NUDC: variants seen among roughly 807,000 people sequenced by gnomAD.
NUDC encodes the protein nuclear migration protein nudC.
In NUDC, 14 loss-of-function variants were observed where a neutral mutation model predicts 45.0. The ratio of observed to expected loss-of-function variants is 0.31; its 90% confidence interval spans 0.21 to 0.49. NUDC has a LOEUF of 0.49. NUDC is among the 20% of genes least tolerant of loss of function. The pLI, the probability that NUDC is intolerant of heterozygous loss-of-function variation, is 0.99. For missense variants in NUDC, 323 were observed against 426.2 expected (o/e 0.76, Z 2.13); for synonymous variants, 153 against 156.7 (o/e 0.98, Z 0.17).
chr1:26,945,186 T>A (rs920856219), intron 6 of NUDC: 1 of 620,796 alleles, frequency 1.6e-6, no homozygotes, highest in Non-Finnish European at 2.9e-6. Context: ...CTTTCCCTTA[T>A]CACACTGATT....
chr1:26,934,199 G>A (rs1005089604), intron 2 of NUDC, among the ~76,000 whole-genome samples: 9 of 152,288 alleles, frequency 5.9e-5, no homozygotes, highest in Non-Finnish European at 1.0e-4. Context: ...CTGCATGACC[G>A]GGGAGGCCTC....
intron 6 of NUDC, chr1:26,945,115 A>G: frequency 1.8e-6 from 1 of 557,272 alleles, no homozygotes; most frequent in Non-Finnish European, 3.2e-6. Flanking sequence ...ACTCAGCCCG[A>G]GTGTCACTTT....
intron 1 of NUDC, among the ~76,000 whole-genome samples, chr1:26,922,678 T>TGGCAA (rs1190109106): frequency 6.6e-6 from 1 of 152,192 alleles, no homozygotes; most frequent in East Asian, 1.9e-4. Flanking sequence ...GCCAGAGAAG[T>TGGCAA]GGCAAGGATT....
chr1:26,906,746 G>T (rs892316919), intron 2 of NUDC, among the ~76,000 whole-genome samples: 6 of 152,082 alleles, frequency 3.9e-5, no homozygotes, highest in African/African-American at 1.4e-4. Context: ...CTACTCGGGA[G>T]GCTGAGGCAG....
chr1:26,916,881 G>A (rs1239153814), upstream of NUDC, among the ~76,000 whole-genome samples: 2 of 152,212 alleles, frequency 1.3e-5, no homozygotes, highest in Non-Finnish European at 2.9e-5. Flanking sequence ...CTTGAATCCA[G>A]GAGGGCAAGG....
rs1297492508 is a variant in NUDC at position 26,942,984 on chromosome 1, G to A, written c.660G>A (p.Gly220=). 3.1e-6 allele frequency: 5 copies of A among 1,614,024 alleles called. No individual in the cohort carries two copies. The highest frequency in any genetic ancestry group is 1.3e-5 in the African/African-American group (1 of 74,900). Residue 220 remains glycine (G), a synonymous_variant, in exon 6 of 9, where the codon GGG becomes GGA. Coordinates refer to ENST00000321265, the MANE Select transcript of NUDC (RefSeq NM_006600.4). Reference sequence around the variant, plus strand: ...AGGGGCAGCCAGCGATCATTGATGGGGAGCTCTACAATGAAGTGAAGGTGG... The same window carrying A: ...AGGGGCAGCCAGCGATCATTGATGGAGAGCTCTACAATGAAGTGAAGGTGG... ...GLKGQPAIID[G]ELYNEVKVEE...
intron 6 of NUDC, among the ~76,000 whole-genome samples, chr1:26,943,947 G>A (rs559921083): frequency 1.6e-4 from 25 of 152,166 alleles, no homozygotes; most frequent in African/African-American, 4.3e-4. Flanking sequence ...GCGCGATCTC[G>A]GCTCACTGCG....
At chr1:26,900,683 G>A (rs905932756) in intron 1 of NUDC, among the ~76,000 whole-genome samples, 2 of 152,106 alleles carry the variant, frequency 1.3e-5, no homozygotes, top group Non-Finnish European at 2.9e-5. Flanking sequence ...GCTCTCATGA[G>A]GACCAAATAA....
intron 8 of NUDC, 39 bp downstream of exon 8, chr1:26,945,725 C>T (rs750547566): frequency 6.7e-7 from 1 of 1,486,332 alleles, no homozygotes; most frequent in South Asian, 1.1e-5. Context: ...ACCGTGGGTG[C>T]CTGGGGGCTT....
chr1:26,931,070 TTTG>T (rs1212651296), intron 2 of NUDC, among the ~76,000 whole-genome samples: 1 of 151,786 alleles, frequency 6.6e-6, no homozygotes, highest in Non-Finnish European at 1.5e-5. Context: ...TAACCTTTGT[TTTG>T]TTTTTTGTTT....
At chr1:26,904,562 A>T (rs1352213116) in intron 2 of NUDC, among the ~76,000 whole-genome samples, 2 of 152,202 alleles carry the variant, frequency 1.3e-5, no homozygotes, top group Non-Finnish European at 2.9e-5. Context: ...AGTAGCTGGG[A>T]TAACAGACTT....
intron 1 of NUDC, 154 bp downstream of exon 1, chr1:26,922,083 C>T: frequency 1.3e-6 from 1 of 769,444 alleles, no homozygotes; most frequent in Non-Finnish European, 2.1e-6. Flanking sequence ...CCTGGCCACC[C>T]GCCAGCAGGT....
intron 2 of NUDC, among the ~76,000 whole-genome samples, chr1:26,931,319 C>G (rs1251212082): frequency 6.8e-6 from 1 of 147,834 alleles, no homozygotes; most frequent in Non-Finnish European, 1.5e-5. Flanking sequence ...CTCAGGTGAT[C>G]TGCCTGCCTC....
intron 3 of NUDC, among the ~76,000 whole-genome samples, chr1:26,915,058 C>CATACATATATATATAT (rs758134417): frequency 2.4e-4 from 34 of 140,552 alleles, no homozygotes; most frequent in African/African-American, 4.5e-4. Flanking sequence ...TACATACATA[C>CATACATATATATATAT]ATATATATAT....
chr1:26,905,340 T>A (rs1468209339), intron 2 of NUDC, among the ~76,000 whole-genome samples: 1 of 151,292 alleles, frequency 6.6e-6, no homozygotes, highest in Admixed American at 6.6e-5. Flanking sequence ...TTTGTATTTT[T>A]AGTAGAGACG....
rs935090055 is a variant in NUDC, at chr1:26,946,837, G to C, written c.*656G>C. 1.3e-5 allele frequency: 2 copies of C among 155,696 alleles called. No homozygotes were observed. The highest frequency in any genetic ancestry group is 2.8e-5 in the Non-Finnish European group (2 of 70,270). The allele number at this position is 155,696 out of a possible 1,614,324, so 9.6% of individuals were successfully genotyped here. ...ACTTCACTCCAGCATGGGTGACAGA[G>C]ACTCCATCTCAAAAAAATAAATAAA... On this transcript the variant is annotated 3_prime_UTR_variant, in exon 9 of 9. Coordinates refer to ENST00000321265, the MANE Select transcript of NUDC (RefSeq NM_006600.4).
In NUDC at chr1:26,945,580, G is replaced by A; in HGVS notation, c.838G>A (p.Asp280Asn). ...NPENSKLSDLDSETRSMVEKM... is the reference protein window; with the variant it reads ...NPENSKLSDLNSETRSMVEKM... ...TGCCTGCCCTCAGCTGTCAGACCTGGACAGTGAGACTCGCAGCATGGTGGA... is the reference window on the plus strand; with the variant it reads ...TGCCTGCCCTCAGCTGTCAGACCTGAACAGTGAGACTCGCAGCATGGTGGA... Residue 280 changes from aspartate (D) to asparagine (N), a missense_variant, in exon 8 of 9, where the codon GAC becomes AAC. Coordinates refer to ENST00000321265, the MANE Select transcript of NUDC (RefSeq NM_006600.4). 1 of 1,614,158 alleles carries A rather than the reference G, an allele frequency of 6.2e-7. No individual in the cohort carries two copies. The highest frequency in any genetic ancestry group is 8.5e-7 in the Non-Finnish European group (1 of 1,179,980).
intron 8 of NUDC, among the ~76,000 whole-genome samples, 198 bp downstream of exon 8, chr1:26,945,884 G>T (rs534685985): frequency 3.9e-5 from 6 of 152,122 alleles, no homozygotes. Context: ...GGCTCATGGT[G>T]CATGATAGGA....
chr1:26,946,243 A>T lies in NUDC; in HGVS notation c.*62A>T, dbSNP rs1279428500. 6.9e-7 allele frequency: 1 copy of T among 1,444,808 alleles called. No homozygotes were observed. The highest frequency in any genetic ancestry group is 1.4e-5 in the African/African-American group (1 of 70,864). 89.5% of individuals were successfully genotyped at this position (1,444,808 alleles called of 1,614,324 possible). On this transcript the variant is annotated 3_prime_UTR_variant, in exon 9 of 9. Coordinates refer to ENST00000321265, the MANE Select transcript of NUDC (RefSeq NM_006600.4). The stretch of plus-strand genomic sequence containing the variant: ...CTGCAACCACCCAACTTTCTTTCCC[A>T]CTCTTCTCTGGGACTTGTGGGCCTC...
Sources: gnomAD v4.1 joint callset for allele counts (sites outside exome capture counted in the v4.1 genomes callset) on GRCh38, gnomAD v4.1.1 for gene constraint, MANE v1.5 for transcripts, NCBI Gene and HGNC (gene_info 2026-07-23, HGNC 2026-07-21) for gene names.